The following AGMO variants were observed in gnomAD, a reference collection of about 807,000 sequenced individuals.
The protein encoded by AGMO is alkylglycerol monooxygenase, also known as glyceryl-ether monooxygenase.
In AGMO, 75 loss-of-function variants were observed where a neutral mutation model predicts 60.2. The ratio of observed to expected loss-of-function variants is 1.25; its 90% CI spans 1.03 to 1.51. The LOEUF (loss-of-function observed/expected upper bound fraction) is 1.51. Ranked by LOEUF, AGMO falls within the 40% of genes most tolerant of loss-of-function variation. The pLI is 0.00. For missense variants in AGMO, 763 were observed against 525.5 expected (o/e 1.45, Z -4.42); for synonymous variants, 261 against 177.1 (o/e 1.47, Z -3.76).
intron 3 of AGMO, among the ~76,000 whole-genome samples, chr7:15,439,018 T>A (rs1171874429): frequency 1.3e-5 from 2 of 152,178 alleles, no homozygotes; most frequent in Non-Finnish European, 2.9e-5. Flanking sequence ...CCTATGTTTT[T>A]AAAAGTAACC....
At chr7:15,454,886 C>T (rs574401123) in intron 3 of AGMO, among the ~76,000 whole-genome samples, 121 of 152,262 alleles carry the variant, frequency 7.9e-4, no homozygotes, top group African/African-American at 2.7e-3. Flanking sequence ...TTCCCTACCT[C>T]TGATTCCCAC....
At chr7:15,274,259 T>C (rs745736896) in intron 12 of AGMO, among the ~76,000 whole-genome samples, 5 of 152,158 alleles carry the variant, frequency 3.3e-5, no homozygotes, top group African/African-American at 7.2e-5. Flanking sequence ...GGCTGTGGAT[T>C]TGTCATAAAT....
the AGMO span, among the ~76,000 whole-genome samples, chr7:15,170,423 AAAG>A: frequency 7.2e-5 from 11 of 152,238 alleles, no homozygotes; most frequent in African/African-American, 2.7e-4. Flanking sequence ...AGATAAACAA[AAAG>A]AAGGTATACC....
Position 15,465,888 on chromosome 7 carries a change from G to A in AGMO, c.410-34780C>T, listed in dbSNP as rs146590134. ...TTTAAACTACTCCAGATGACTATAA[G>A]AATACCCTCCTAAATCAGTAGTCAG... On this transcript the variant is annotated intron_variant, in intron 3 of 12. Coordinates refer to ENST00000342526, the MANE Select transcript of AGMO (RefSeq NM_001004320.2). Among the ~76,000 whole-genome samples, 59 of 152,028 alleles carry A rather than the reference G, an allele frequency of 3.9e-4. No individual in the cohort carries two copies. The East Asian group carries it at 8.1e-3, about 21-fold the overall frequency.
At chr7:15,521,629 CT>C (rs1245434498) in intron 3 of AGMO, among the ~76,000 whole-genome samples, 1 of 152,100 alleles carries the variant, frequency 6.6e-6, no homozygotes, top group African/African-American at 2.4e-5. Context: ...CAGAAAAAGC[CT>C]TTGATAAAAT....
At chr7:15,298,476 C>T (rs1050827508) in intron 12 of AGMO, among the ~76,000 whole-genome samples, 2 of 152,082 alleles carry the variant, frequency 1.3e-5, no homozygotes, top group African/African-American at 4.8e-5. Context: ...CTCACTGCAG[C>T]CTTGACCTCC....
intron 3 of AGMO, among the ~76,000 whole-genome samples, chr7:15,492,150 GT>G (rs761372615): frequency 1.4e-4 from 22 of 152,106 alleles, no homozygotes; most frequent in Admixed American, 3.3e-4. Flanking sequence ...AGGGAGATAT[GT>G]TTTTTAATTG....
intron 12 of AGMO, among the ~76,000 whole-genome samples, chr7:15,291,705 C>A (rs1045421601): frequency 2.6e-5 from 4 of 152,116 alleles, no homozygotes; most frequent in African/African-American, 9.7e-5. Flanking sequence ...CCTAGCCTAA[C>A]AGGATTCACG....
the AGMO span, among the ~76,000 whole-genome samples, chr7:15,177,122 CA>C: frequency 6.6e-6 from 1 of 151,860 alleles, no homozygotes; most frequent in African/African-American, 2.4e-5. Context: ...GATTTAAAAA[CA>C]TTTTTTTTGG....
chr7:15,480,343 G>A (rs1181159456), intron 3 of AGMO, among the ~76,000 whole-genome samples: 2 of 152,110 alleles, frequency 1.3e-5, no homozygotes, highest in African/African-American at 4.8e-5. Context: ...AATGTTTAGA[G>A]TCAGTTGAAT....
intron 10 of AGMO, among the ~76,000 whole-genome samples, 162 bp downstream of exon 10, chr7:15,385,284 G>A (rs1298736640): frequency 6.6e-6 from 1 of 152,162 alleles, no homozygotes; most frequent in African/African-American, 2.4e-5. Context: ...ACATTTAGTA[G>A]TCTAGAAGAT....
At chr7:15,323,176 A>C (rs1781235231) in intron 12 of AGMO, among the ~76,000 whole-genome samples, 1 of 152,032 alleles carries the variant, frequency 6.6e-6, no homozygotes, top group Non-Finnish European at 1.5e-5. Context: ...TGATAAGCGA[A>C]TGATCTTGTT....
chr7:15,352,383 A>AC (rs1782274537), intron 12 of AGMO, among the ~76,000 whole-genome samples: 1 of 151,922 alleles, frequency 6.6e-6, no homozygotes, highest in African/African-American at 2.4e-5. Context: ...TCACAGTCTC[A>AC]CAACTACAAA....
At chr7:15,130,664 G>C in the AGMO span, among the ~76,000 whole-genome samples, 3 of 152,090 alleles carry the variant, frequency 2.0e-5, no homozygotes, top group Non-Finnish European at 4.4e-5. Flanking sequence ...ATAATTGTTA[G>C]AATTAATACA....
At chr7:15,464,378 T>C (rs548594675) in intron 3 of AGMO, among the ~76,000 whole-genome samples, 1 of 152,340 alleles carries the variant, frequency 6.6e-6, no homozygotes, top group East Asian at 1.9e-4. Context: ...GACTTGAACT[T>C]GTGCTTTTAG....
intron 10 of AGMO, among the ~76,000 whole-genome samples, chr7:15,374,558 A>G (rs532421493): frequency 2.0e-5 from 3 of 152,206 alleles, no homozygotes; most frequent in South Asian, 2.1e-4. Context: ...TGTGTACCTG[A>G]TAAGATAGAG....
At chr7:15,213,255 AG>A (rs1333766391) in intron 12 of AGMO, among the ~76,000 whole-genome samples, 2 of 151,916 alleles carry the variant, frequency 1.3e-5, no homozygotes, top group African/African-American at 4.8e-5. Context: ...TTGATATCCT[AG>A]AAAAAACATT....
chr7:15,323,084 C>A (rs1015236946), intron 12 of AGMO, among the ~76,000 whole-genome samples: 8 of 151,420 alleles, frequency 5.3e-5, no homozygotes, highest in Non-Finnish European at 7.4e-5. Context: ...ATTAGACTAT[C>A]TAATGTTTAA....
At chr7:15,529,154 C>T (rs1784209170) in intron 3 of AGMO, among the ~76,000 whole-genome samples, 2 of 151,794 alleles carry the variant, frequency 1.3e-5, no homozygotes, top group African/African-American at 2.4e-5. Context: ...ATAATATAAT[C>T]GATTTATTGC....
Sources: gnomAD v4.1 joint callset for allele counts (sites outside exome capture counted in the v4.1 genomes callset) on GRCh38, gnomAD v4.1.1 for gene constraint, MANE v1.5 for transcripts, NCBI Gene and HGNC (gene_info 2026-07-23, HGNC 2026-07-21) for gene names.